Variants in TRIM36 observed in about 807,000 individuals in gnomAD.
TRIM36 encodes tripartite motif containing 36.
TRIM36 carries 42 observed loss-of-function variants against 72.4 expected under a neutral mutation model. The ratio of observed to expected loss-of-function variants is 0.58; its 90% CI spans 0.45 to 0.75. The LOEUF (loss-of-function observed/expected upper bound fraction) is 0.75, where lower values mean the gene tolerates loss of function less well. Among genes scored for constraint, TRIM36 ranks in the 30% least tolerant of loss-of-function variants. The probability of loss-of-function intolerance (pLI) is 0.00; values close to 1 mark genes in which losing one functional copy is unlikely to be tolerated. For missense variants in TRIM36, 913 were observed against 857.1 expected, an observed-to-expected ratio of 1.07 and a Z score of -0.81; for synonymous variants, 315 against 282.8, an observed-to-expected ratio of 1.11 and a Z score of -1.14.
Position 115,147,314 on chromosome 5 carries a change from G to T in TRIM36, c.343C>A (p.Arg115=), listed in dbSNP as rs1297148115. 6.2e-7 allele frequency: 1 copy of T among 1,613,974 alleles called. No individual in the cohort carries two copies. Among genetic ancestry groups the T allele is most frequent in the Non-Finnish European group, 8.5e-7 (1 of 1,180,026 alleles). The change falls in exon 3 of 10, where the codon CGA becomes AGA. Residue 115 remains arginine, a synonymous_variant. Transcript: ENST00000513154. ...TTTCGAAACAGACCATTGATTCCTC[G>T]TTCTCCAAGATCCACATCATGCTCA... ...GCEHDVDLGE[R]GINGLFRNFT... is the part of the protein sequence containing the mutation.
chr5:115,134,975 TTAAC>T (rs1374945771), intron 7 of TRIM36, among the ~76,000 whole-genome samples: 3 of 152,240 alleles, frequency 2.0e-5, no homozygotes, highest in Non-Finnish European at 4.4e-5. Context: ...TTAAAAGATT[TTAAC>T]TAACTCAAAG....
intron 2 of TRIM36, 102 bp from the exon 3 acceptor site, chr5:115,147,496 C>T (rs1753656995): frequency 3.0e-6 from 4 of 1,319,704 alleles, no homozygotes; most frequent in Non-Finnish European, 3.1e-6. Context: ...AAATGTATCA[C>T]AAAAACAGTA....
chr5:115,144,462 A>G (rs1753465577), intron 4 of TRIM36, 136 bp downstream of exon 4: 1 of 1,038,510 alleles, frequency 9.6e-7, no homozygotes, highest in Non-Finnish European at 1.4e-6. Context: ...TAATATTAGT[A>G]GATCGCTAAG....
intron 4 of TRIM36, among the ~76,000 whole-genome samples, chr5:115,143,589 T>C (rs1753403856): frequency 6.6e-6 from 1 of 152,110 alleles, no homozygotes; most frequent in South Asian, 2.1e-4. Context: ...ATTTCGTATG[T>C]GCAGAGAAGG....
intron 4 of TRIM36, among the ~76,000 whole-genome samples, chr5:115,142,622 C>A (rs1332589032): frequency 6.6e-6 from 1 of 152,170 alleles, no homozygotes; most frequent in Non-Finnish European, 1.5e-5. Flanking sequence ...TAGCTTTTAT[C>A]TGAGACAGCT....
intron 9 of TRIM36, among the ~76,000 whole-genome samples, chr5:115,128,879 G>C (rs1048188832): frequency 6.6e-6 from 1 of 150,488 alleles, no homozygotes; most frequent in Non-Finnish European, 1.5e-5. Context: ...TGTTTGTAAA[G>C]TTTACAGTAG....
chr5:115,130,472 C>T, intron 9 of TRIM36, 120 bp downstream of exon 9: 1 of 1,177,944 alleles, frequency 8.5e-7, no homozygotes, highest in Non-Finnish European at 1.2e-6. Context: ...AATCAAGCCA[C>T]AGCCAAAATA....
intron 4 of TRIM36, among the ~76,000 whole-genome samples, chr5:115,143,688 T>A (rs1753410343): frequency 6.6e-6 from 1 of 152,188 alleles, no homozygotes; most frequent in Non-Finnish European, 1.5e-5. Context: ...CACATACTGT[T>A]AAACAGAGGA....
At chr5:115,135,412 C>A (rs1422070) in intron 7 of TRIM36, among the ~76,000 whole-genome samples, 70,123 of 151,612 alleles carry the variant, frequency 0.46, 18,609 homozygotes, top group Middle Eastern at 0.61. Flanking sequence ...AAAAAAGTTA[C>A]AGATTAACAA....
intron 2 of TRIM36, among the ~76,000 whole-genome samples, chr5:115,148,133 G>A (rs868669922): frequency 7.9e-5 from 12 of 151,916 alleles, no homozygotes; most frequent in Middle Eastern, 3.4e-3. Flanking sequence ...TTTTTAAGAG[G>A]GACCAACCAT....
chr5:115,171,024 C>T, upstream of TRIM36: 1 of 1,585,766 alleles, frequency 6.3e-7, no homozygotes, highest in South Asian at 1.1e-5. Context: ...CAATTCATTC[C>T]TATGTATTAG....
chr5:115,177,951 A>C, intron 1 of TRIM36: 1 of 1,470,142 alleles, frequency 6.8e-7, no homozygotes. Flanking sequence ...GTGTTTTTTC[A>C]TTATAGTGAG....
chr5:115,137,565 A>G lies in TRIM36; in HGVS notation c.883T>C (p.Phe295Leu). 1 of 1,613,608 alleles carries G rather than the reference A, an allele frequency of 6.2e-7. No homozygotes were observed. Among genetic ancestry groups the G allele is most frequent in the Non-Finnish European group, 8.5e-7 (1 of 1,179,884 alleles). Residue 295 changes from phenylalanine to leucine, a missense_variant, in exon 6 of 10, where the codon TTT (phenylalanine) becomes CTT (leucine). Coordinates refer to ENST00000513154, the MANE Select transcript of TRIM36 (RefSeq NM_001300759.2). ...GATTTCCTCTCTTCCAGAACTTCAA[A>G]GAGCTTTTCAAAATGTGTAATTGCT... Reference protein sequence around the residue: ...EEAITHFEKLFEVLEERKSSV... With the variant: ...EEAITHFEKLLEVLEERKSSV...
chr5:115,178,757 T>C (rs1229358513), intron 1 of TRIM36, among the ~76,000 whole-genome samples: 2 of 152,122 alleles, frequency 1.3e-5, no homozygotes, highest in Non-Finnish European at 2.9e-5. Flanking sequence ...ACTTTCGAAA[T>C]GTTAATGAAT....
In TRIM36 at chr5:115,137,072, A is replaced by T. The variant is rs1036705018; in HGVS notation, c.1138T>A (p.Ser380Thr). Reference sequence around the variant, plus strand: ...GTATTAACAACATAGTCTTCAAAAGAAGTCTGAGCTGCAGGTCTAAAGCTC... The same window carrying T: ...GTATTAACAACATAGTCTTCAAAAGTAGTCTGAGCTGCAGGTCTAAAGCTC... The part of the protein sequence containing the change: ...LKSFRPAAQT[S>T]FEDYVVNTSK... Residue 380 changes from serine to threonine, a missense_variant, in exon 7 of 10, where the codon TCT becomes ACT. By Grantham distance (58) the Ser-to-Thr change is moderately conservative (BLOSUM62 1). Coordinates refer to ENST00000513154, the MANE Select transcript of TRIM36 (RefSeq NM_001300759.2). 1 of 1,611,572 alleles carries T rather than the reference A, an allele frequency of 6.2e-7. No individual in the cohort carries two copies. The highest frequency in any genetic ancestry group is 1.7e-5 in the Admixed American group (1 of 59,656).
chr5:115,158,140 A>C (rs1316800382), intron 2 of TRIM36, among the ~76,000 whole-genome samples: 2 of 152,180 alleles, frequency 1.3e-5, no homozygotes, highest in Non-Finnish European at 1.5e-5. Flanking sequence ...AAAATGAAAG[A>C]AAGAAAAGTA....
chr5:115,167,208 A>G (rs1754828698), intron 1 of TRIM36, among the ~76,000 whole-genome samples: 1 of 152,130 alleles, frequency 6.6e-6, no homozygotes, highest in Non-Finnish European at 1.5e-5. Flanking sequence ...GGCCCACTCC[A>G]CTAAAACATT....
intron 1 of TRIM36, among the ~76,000 whole-genome samples, chr5:115,167,375 A>G (rs1448200367): frequency 6.6e-6 from 1 of 152,190 alleles, no homozygotes; most frequent in Non-Finnish European, 1.5e-5. Flanking sequence ...TTTTTTACTT[A>G]AGCAAATTTC....
chr5:115,170,146 C>T (rs1360676107), upstream of TRIM36, among the ~76,000 whole-genome samples: 1 of 152,176 alleles, frequency 6.6e-6, no homozygotes, highest in Non-Finnish European at 1.5e-5. Flanking sequence ...TCAGCCCCTC[C>T]CTCCCACCCG....
Sources: gnomAD v4.1 joint callset for allele counts (sites outside exome capture counted in the v4.1 genomes callset) on GRCh38, gnomAD v4.1.1 for gene constraint, MANE v1.5 for transcripts, NCBI Gene and HGNC (gene_info 2026-07-23, HGNC 2026-07-21) for gene names.